VTI1A: variants seen among roughly 807,000 people sequenced by gnomAD.
VTI1A encodes vesicle transport through interaction with t-SNAREs homolog 1A.
A neutral mutation model predicts 34.9 loss-of-function variants in VTI1A; 22 were observed. The ratio of observed to expected loss-of-function variants is 0.63; its 90% CI spans 0.45 to 0.90. VTI1A has a LOEUF of 0.90. Among genes scored for constraint, VTI1A ranks in the 40% least tolerant of loss-of-function variants. The pLI is 0.00. For missense variants in VTI1A, 268 were observed against 275.6 expected, an observed-to-expected ratio of 0.97 and a Z score of 0.20; for synonymous variants, 87 against 97.3, an observed-to-expected ratio of 0.89 and a Z score of 0.62.
chr10:112,631,739 T>C (rs1187144731), intron 5 of VTI1A, among the ~76,000 whole-genome samples: 1 of 152,134 alleles, frequency 6.6e-6, no homozygotes, highest in Non-Finnish European at 1.5e-5. Context: ...GGCATGTGAG[T>C]TCCGCAGGAA....
intron 5 of VTI1A, among the ~76,000 whole-genome samples, chr10:112,584,187 G>C (rs1844062960): frequency 6.6e-6 from 1 of 152,190 alleles, no homozygotes; most frequent in South Asian, 2.1e-4. Flanking sequence ...CCTCTCCGTA[G>C]TATTATTATG....
chr10:112,760,375 G>GTC (rs71035399), intron 7 of VTI1A, among the ~76,000 whole-genome samples: 29,202 of 151,362 alleles, frequency 0.19, 3,207 homozygotes, highest in East Asian at 0.28. Context: ...GGTGAATATG[G>GTC]TCTCTCTCTC....
intron 7 of VTI1A, among the ~76,000 whole-genome samples, chr10:112,786,179 T>C (rs1254392286): frequency 4.6e-5 from 7 of 152,240 alleles, no homozygotes; most frequent in African/African-American, 1.4e-4. Flanking sequence ...GTTAAAGTTG[T>C]TTCTAAGTTT....
the VTI1A span, among the ~76,000 whole-genome samples, chr10:112,855,235 C>T: frequency 6.6e-6 from 1 of 152,192 alleles, no homozygotes; most frequent in African/African-American, 2.4e-5. Flanking sequence ...TCTGCCCTTT[C>T]TGGCAAGATT....
At position 112,552,608 on chromosome 10, in the gene VTI1A, T is replaced by A. The variant is rs868589476; in HGVS notation, c.427+14278T>A. Among the ~76,000 whole-genome samples the A allele has an allele frequency of 6.2e-3, 877 of 142,274 alleles. 6 individuals carry two copies. The highest frequency in any genetic ancestry group is 0.016 in the African/African-American group (646 of 39,728). 93.3% of individuals were successfully genotyped at this position (142,274 alleles called of 152,430 possible). On this transcript the variant is annotated intron_variant, in intron 5 of 7. Coordinates refer to ENST00000393077, the MANE Select transcript of VTI1A (RefSeq NM_145206.4). ...TTTGTTACTGTAAAAAGAGACCTTTTAAAAAAAAAAAAACCATTGACTCTA... is the reference window on the plus strand; with the variant it reads ...TTTGTTACTGTAAAAAGAGACCTTTAAAAAAAAAAAAAACCATTGACTCTA...
chr10:112,799,777 T>C (rs1852810862), intron 7 of VTI1A, among the ~76,000 whole-genome samples: 1 of 152,090 alleles, frequency 6.6e-6, no homozygotes, highest in Non-Finnish European at 1.5e-5. Flanking sequence ...ATGAAGGAGA[T>C]ATCACAAGTT....
intron 5 of VTI1A, among the ~76,000 whole-genome samples, chr10:112,658,525 T>G (rs1847320571): frequency 6.6e-6 from 1 of 152,210 alleles, no homozygotes. Flanking sequence ...CCTGCATATG[T>G]CCTGTACTGC....
At chr10:112,466,486 C>G (rs1478634609) in intron 3 of VTI1A, among the ~76,000 whole-genome samples, 2 of 152,058 alleles carry the variant, frequency 1.3e-5, no homozygotes, top group East Asian at 1.9e-4. Flanking sequence ...AGTATGTGCC[C>G]TGTACTAGGG....
intron 5 of VTI1A, among the ~76,000 whole-genome samples, chr10:112,545,003 G>A (rs190816637): frequency 8.5e-5 from 13 of 152,290 alleles, no homozygotes; most frequent in African/African-American, 3.1e-4. Context: ...TCTGAAGTGT[G>A]GAGAACAGGG....
At chr10:112,517,218 G>A (rs1849811932) in intron 3 of VTI1A, among the ~76,000 whole-genome samples, 2 of 152,028 alleles carry the variant, frequency 1.3e-5, no homozygotes, top group Admixed American at 1.3e-4. Flanking sequence ...TGCTGAATCT[G>A]TTAAGGAGAA....
rs76810985 is a variant in VTI1A, at chr10:112,723,367, G to T, written c.560+54369G>T. On this transcript the variant is annotated intron_variant, in intron 7 of 7. Coordinates refer to ENST00000393077, the MANE Select transcript of VTI1A (RefSeq NM_145206.4). ...ATACTTCTCAGCTCTAGAACTTCCC[G>T]ATGAAGTGGAATGTTTTGCATCGGA... Among the ~76,000 whole-genome samples the T allele has an allele frequency of 2.6e-5, 4 of 152,280 alleles. No homozygotes were observed. In the South Asian group the frequency reaches 8.3e-4, roughly 32 times the overall value.
chr10:112,829,609 C>T, the VTI1A span, among the ~76,000 whole-genome samples: 7 of 151,990 alleles, frequency 4.6e-5, no homozygotes, highest in Non-Finnish European at 8.8e-5. Flanking sequence ...AAAGAATTAG[C>T]GGGGCATGGT....
chr10:112,576,253 C>A (rs1843708098), intron 5 of VTI1A, among the ~76,000 whole-genome samples: 1 of 151,422 alleles, frequency 6.6e-6, no homozygotes, highest in Admixed American at 6.6e-5. Flanking sequence ...ATCTCCTGAC[C>A]TCGTGATCCG....
chr10:112,537,599 C>G (rs541892560), intron 4 of VTI1A, among the ~76,000 whole-genome samples: 4 of 151,930 alleles, frequency 2.6e-5, no homozygotes, highest in African/African-American at 4.8e-5. Flanking sequence ...CAACATCAAT[C>G]TACATAGTGC....
At chr10:112,801,668 C>T (rs550664779) in intron 7 of VTI1A, among the ~76,000 whole-genome samples, 3 of 152,210 alleles carry the variant, frequency 2.0e-5, no homozygotes, top group South Asian at 4.1e-4. Context: ...AATAAAAAAT[C>T]GTGTGGTACC....
chr10:112,750,053 C>T (rs1043443024), intron 7 of VTI1A, among the ~76,000 whole-genome samples: 1 of 152,122 alleles, frequency 6.6e-6, no homozygotes, highest in African/African-American at 2.4e-5. Flanking sequence ...TTAGTAGTTA[C>T]CTGGAGGTAG....
chr10:112,641,333 G>A (rs1272029223), intron 5 of VTI1A, among the ~76,000 whole-genome samples: 3 of 152,124 alleles, frequency 2.0e-5, no homozygotes, highest in African/African-American at 4.8e-5. Flanking sequence ...TAAGCTTGCT[G>A]TTGATAAAGG....
intron 5 of VTI1A, among the ~76,000 whole-genome samples, chr10:112,660,618 G>A (rs182019754): frequency 4.6e-5 from 7 of 152,278 alleles, no homozygotes; most frequent in Non-Finnish European, 8.8e-5. Context: ...TACAGTGACC[G>A]CTAACCACAT....
intron 3 of VTI1A, among the ~76,000 whole-genome samples, chr10:112,494,982 G>A (rs997002373): frequency 1.3e-5 from 2 of 152,020 alleles, no homozygotes; most frequent in African/African-American, 4.8e-5. Flanking sequence ...GCTAAGAATC[G>A]GAGCTTTTTT....
Sources: allele counts gnomAD v4.1 joint callset (sites outside exome capture counted in the v4.1 genomes callset), GRCh38; gene constraint gnomAD v4.1.1; transcripts MANE v1.5; gene names NCBI Gene and HGNC (gene_info 2026-07-23, HGNC 2026-07-21).